Variants in STX2 observed in about 807,000 individuals in gnomAD.
STX2 encodes the protein syntaxin 2, also known as syntaxin-2.
In STX2, 27 loss-of-function variants were observed where a neutral mutation model predicts 40.6. The ratio of observed to expected loss-of-function variants is 0.66; its 90% CI spans 0.49 to 0.92. The LOEUF is 0.92. Ranked by LOEUF, STX2 falls within the 40% of genes least tolerant of loss-of-function variation. STX2 has a pLI of 0.00. For synonymous variants in STX2, 123 were observed against 119.1 expected (o/e 1.03, Z -0.22); for missense variants, 328 against 366.1 (o/e 0.90, Z 0.85).
At chr12:130,831,763 TTTTA>T (rs1181422226) in intron 1 of STX2, among the ~76,000 whole-genome samples, 2 of 152,188 alleles carry the variant, frequency 1.3e-5, no homozygotes. Flanking sequence ...TGTTATACTT[TTTTA>T]TTTTTTTGTA....
chr12:130,792,086 A>G, intron 10 of STX2, 109 bp from the exon 11 acceptor site: 2 of 682,588 alleles, frequency 2.9e-6, no homozygotes, highest in Non-Finnish European at 4.9e-6. Context: ...TACATCCATT[A>G]TCAAGAAAGG....
chr12:130,819,715 C>A (rs1484355362), intron 3 of STX2, among the ~76,000 whole-genome samples: 1 of 152,192 alleles, frequency 6.6e-6, no homozygotes, highest in African/African-American at 2.4e-5. Flanking sequence ...AAAGGTCCTA[C>A]GGGCAAATAA....
chr12:130,824,908 G>C (rs1952243742), intron 2 of STX2, among the ~76,000 whole-genome samples: 1 of 152,154 alleles, frequency 6.6e-6, no homozygotes, highest in Non-Finnish European at 1.5e-5. Flanking sequence ...CACCGGGCAA[G>C]CCTTCCTAAA....
At position 130,806,957 on chromosome 12, in the gene STX2, C is replaced by T. The variant is rs780671594; in HGVS notation, c.463+25G>A. 5.0e-6 allele frequency: 8 copies of T among 1,596,656 alleles called. No individual in the cohort carries two copies. The Admixed American group carries it at 6.8e-5, about 14-fold the overall frequency. Reference sequence around the variant, plus strand: ...TTAAGGGAGAAAAACATGATTTTAACAAAGACGGAGTCTCCATTACTCACT... The same window carrying T: ...TTAAGGGAGAAAAACATGATTTTAATAAAGACGGAGTCTCCATTACTCACT... On this transcript the variant is annotated intron_variant, in intron 6 of 10. Transcript: ENST00000392373.
At chr12:130,806,681 C>G (rs12316007) in intron 6 of STX2, among the ~76,000 whole-genome samples, 7,525 of 152,234 alleles carry the variant, frequency 0.049, 264 homozygotes, top group Non-Finnish European at 0.073. Flanking sequence ...CGAACCAGGG[C>G]AGGGCGGGAC....
At chr12:130,822,377 C>A (rs1952146941) in intron 2 of STX2, among the ~76,000 whole-genome samples, 1 of 151,940 alleles carries the variant, frequency 6.6e-6, no homozygotes, top group South Asian at 2.1e-4. Flanking sequence ...GATCACACCA[C>A]TGCACTCCAG....
At chr12:130,806,209 C>T (rs932203297) in intron 6 of STX2, among the ~76,000 whole-genome samples, 2 of 152,168 alleles carry the variant, frequency 1.3e-5, no homozygotes, top group African/African-American at 2.4e-5. Flanking sequence ...GGATGTGCGG[C>T]GTTGGGAGCC....
chr12:130,826,829 C>T (rs922310597), intron 2 of STX2, among the ~76,000 whole-genome samples: 6 of 144,022 alleles, frequency 4.2e-5, no homozygotes, highest in African/African-American at 1.2e-4. Flanking sequence ...GGTGAAACCC[C>T]GTCTCTACTA....
At chr12:130,816,726 G>A (rs1951872520) in intron 3 of STX2, among the ~76,000 whole-genome samples, 2 of 152,132 alleles carry the variant, frequency 1.3e-5, no homozygotes, top group Admixed American at 1.3e-4. Context: ...AACCTAACAA[G>A]GCAGGAAAGA....
chr12:130,790,626 A>G lies in STX2; in HGVS notation c.*1397T>C, dbSNP rs1207061157. On this transcript the variant is annotated 3_prime_UTR_variant, in exon 11 of 11. Coordinates refer to ENST00000392373, the MANE Select transcript of STX2 (RefSeq NM_194356.4). ...TTCAGCAAAACATTAGGTACTTAAC[A>G]ACATGTATGTGGATCTGTACAATAG... is the stretch of plus-strand genomic sequence containing the variant. 6.6e-6 allele frequency: 1 copy of G among 152,266 alleles called. No homozygotes were observed. Among genetic ancestry groups the G allele is most frequent in the Non-Finnish European group, 1.5e-5 (1 of 68,048 alleles). 9.4% of individuals were successfully genotyped at this position (152,266 alleles called of 1,614,324 possible). A position where few individuals can be genotyped will look rare whatever the true frequency, so the allele number is the denominator to read the frequency against.
chr12:130,812,954 T>C lies in STX2; in HGVS notation c.280+3A>G. ...ATAATTAAACATAAAACTTCAAACT[T>C]ACCCTTTAACTTGGCTCGAATTTTA... On this transcript the variant is annotated splice_donor_region_variant and intron_variant, in intron 4 of 10. Coordinates refer to ENST00000392373, the MANE Select transcript of STX2 (RefSeq NM_194356.4). The C allele has an allele frequency of 1.3e-6, 2 of 1,549,164 alleles. No individual in the cohort carries two copies. Among genetic ancestry groups the C allele is most frequent in the Non-Finnish European group, 1.7e-6 (2 of 1,149,698 alleles).
At chr12:130,832,264 A>G (rs1322343280) in intron 1 of STX2, among the ~76,000 whole-genome samples, 1 of 151,988 alleles carries the variant, frequency 6.6e-6, no homozygotes, top group Non-Finnish European at 1.5e-5. Context: ...AACCTCATAC[A>G]TTCATCTTAC....
chr12:130,821,860 G>A lies in STX2; in HGVS notation c.106-72C>T, dbSNP rs1952129759. 3.4e-6 allele frequency: 3 copies of A among 869,580 alleles called. No individual in the cohort carries two copies. The African/African-American group carries it at 5.0e-5, about 14-fold the overall frequency. 53.9% of individuals were successfully genotyped at this position (869,580 alleles called of 1,614,324 possible). A position where few individuals can be genotyped will look rare whatever the true frequency, so the allele number is the denominator to read the frequency against. On this transcript the variant is annotated intron_variant, in intron 2 of 10. Transcript: ENST00000392373. ...GACCACTTTTCATCCCCTAAAAGGGGAAGAATAAAGGAGGGAAATAAATAA... is the reference window on the plus strand; with the variant it reads ...GACCACTTTTCATCCCCTAAAAGGGAAAGAATAAAGGAGGGAAATAAATAA...
At chr12:130,804,630 C>T (rs1951358937) in intron 6 of STX2, among the ~76,000 whole-genome samples, 1 of 152,106 alleles carries the variant, frequency 6.6e-6, no homozygotes, top group Non-Finnish European at 1.5e-5. Flanking sequence ...CGTCCCTAGC[C>T]AATGTTTCCT....
Position 130,819,352 on chromosome 12 carries a change from G to C in STX2, c.205+2337C>G, listed in dbSNP as rs114628222. On this transcript the variant is annotated intron_variant, in intron 3 of 10. Coordinates refer to ENST00000392373, the MANE Select transcript of STX2 (RefSeq NM_194356.4). ...CCCTCTTCCTTTAGGAACAAGGCGGGAAGGCCAAGAGCCTGTCCCTCTCTG... is the reference window on the plus strand; with the variant it reads ...CCCTCTTCCTTTAGGAACAAGGCGGCAAGGCCAAGAGCCTGTCCCTCTCTG... Among the ~76,000 whole-genome samples, 683 of 151,882 alleles carry C rather than the reference G, an allele frequency of 4.5e-3. 9 individuals are homozygous for C. The highest frequency in any genetic ancestry group is 0.016 in the African/African-American group (655 of 41,506).
Position 130,839,116 on chromosome 12 carries a change from G to A in STX2, c.-17C>T. The A allele has an allele frequency of 7.9e-7, 1 of 1,262,426 alleles. No individual in the cohort carries two copies. The highest frequency in any genetic ancestry group is 2.6e-5 in the South Asian group (1 of 39,156). The allele number at this position is 1,262,426 out of a possible 1,614,324, so 78.2% of individuals were successfully genotyped here. A position where few individuals can be genotyped will look rare whatever the true frequency, so the allele number is the denominator to read the frequency against. On this transcript the variant is annotated 5_prime_UTR_variant, in exon 1 of 11. Coordinates refer to ENST00000392373, the MANE Select transcript of STX2 (RefSeq NM_194356.4). ...GTCCCGCATCCCCGCCGGCCGGGCA[G>A]CGCGCCCCGCCGCTCAAGCCTGTCC...
At chr12:130,806,310 G>C (rs561380851) in intron 6 of STX2, among the ~76,000 whole-genome samples, 1 of 152,294 alleles carries the variant, frequency 6.6e-6, no homozygotes, top group Admixed American at 6.5e-5. Flanking sequence ...AAGGCCCCAG[G>C]TCAGGGACAA....
intron 1 of STX2, among the ~76,000 whole-genome samples, chr12:130,838,380 G>A (rs1280002505): frequency 2.0e-5 from 3 of 152,308 alleles, no homozygotes; most frequent in South Asian, 2.1e-4. Flanking sequence ...CCTTGCTAAA[G>A]TAAACAGTAA....
At chr12:130,799,417 T>C (rs899040052) in intron 8 of STX2, among the ~76,000 whole-genome samples, 4 of 152,304 alleles carry the variant, frequency 2.6e-5, no homozygotes, top group East Asian at 1.9e-4. Flanking sequence ...GCAATTACAA[T>C]TGAAGTCTAA....
Sources: allele counts gnomAD v4.1 joint callset (sites outside exome capture counted in the v4.1 genomes callset), GRCh38; gene constraint gnomAD v4.1.1; transcripts MANE v1.5; gene names NCBI Gene and HGNC (gene_info 2026-07-23, HGNC 2026-07-21).